The following ZSCAN5A variants were observed in gnomAD, a reference collection of about 807,000 sequenced individuals.
ZSCAN5A encodes zinc finger and SCAN domain containing 5A, also known as zinc finger and SCAN domain-containing protein 5A.
In ZSCAN5A, 12 loss-of-function variants were observed where a neutral mutation model predicts 23.7. That is an observed-to-expected ratio of 0.51 (90% CI 0.32 to 0.82). The LOEUF is 0.82. Among genes scored for constraint, ZSCAN5A ranks in the 40% least tolerant of loss-of-function variants. The pLI is 0.03. For synonymous variants in ZSCAN5A, 257 were observed against 239.9 expected (o/e 1.07, Z -0.66); for missense variants, 597 against 617.9 (o/e 0.97, Z 0.36).
chr19:56,245,880 T>C (rs2035849772), intron 2 of ZSCAN5A, among the ~76,000 whole-genome samples: 1 of 151,700 alleles, frequency 6.6e-6, no homozygotes, highest in African/African-American at 2.4e-5. Context: ...TAGGGGGTGG[T>C]GGGGTGTTGA....
intron 2 of ZSCAN5A, among the ~76,000 whole-genome samples, chr19:56,239,908 A>T (rs2035277858): frequency 6.6e-6 from 1 of 152,140 alleles, no homozygotes; most frequent in Admixed American, 6.5e-5. Context: ...TCACGCCTGT[A>T]ATCTCAGCAC....
chr19:56,328,926 C>T (rs1220381130), intron 2 of ZSCAN5A, among the ~76,000 whole-genome samples: 2 of 147,772 alleles, frequency 1.4e-5, no homozygotes, highest in Admixed American at 1.4e-4. Flanking sequence ...ACCCAGGAGG[C>T]GGAGCTTGCA....
At chr19:56,366,422 C>CAAA (rs34420866) in intron 1 of ZSCAN5A, among the ~76,000 whole-genome samples, 25 of 83,058 alleles carry the variant, frequency 3.0e-4, no homozygotes, top group African/African-American at 4.5e-4. Context: ...GACTCTGTCT[C>CAAA]AAAAAAAAAA....
At chr19:56,238,167 C>A (rs565026520) in intron 2 of ZSCAN5A, among the ~76,000 whole-genome samples, 2 of 151,916 alleles carry the variant, frequency 1.3e-5, no homozygotes, top group African/African-American at 4.8e-5. Flanking sequence ...CACACATACA[C>A]ACACACACGT....
intron 1 of ZSCAN5A, among the ~76,000 whole-genome samples, chr19:56,364,687 T>C (rs2041754216): frequency 1.3e-5 from 2 of 152,236 alleles, no homozygotes; most frequent in Admixed American, 1.3e-4. Flanking sequence ...TGGATGTCCA[T>C]TAATGAGTGA....
At chr19:56,290,712 A>C (rs1355585007) in intron 2 of ZSCAN5A, among the ~76,000 whole-genome samples, 1 of 152,138 alleles carries the variant, frequency 6.6e-6, no homozygotes, top group Non-Finnish European at 1.5e-5. Context: ...ATAAATACAT[A>C]AACAGTTTAA....
At chr19:56,312,144 T>C (rs994429161) in intron 2 of ZSCAN5A, 3 of 152,220 alleles carry the variant, frequency 2.0e-5, no homozygotes, top group Non-Finnish European at 2.9e-5. Flanking sequence ...TTGTATGAAG[T>C]CTTTGAAATC....
intron 2 of ZSCAN5A, among the ~76,000 whole-genome samples, chr19:56,325,908 A>G (rs1301976455): frequency 2.0e-5 from 3 of 151,944 alleles, no homozygotes; most frequent in African/African-American, 4.8e-5. Flanking sequence ...AGAGTGTACA[A>G]TGGGATGTCT....
intron 2 of ZSCAN5A, among the ~76,000 whole-genome samples, chr19:56,344,555 CA>C (rs2041616721): frequency 6.7e-6 from 1 of 149,934 alleles, no homozygotes; most frequent in African/African-American, 2.5e-5. Flanking sequence ...GGCGGATCAC[CA>C]GGTCAGGAGA....
intron 2 of ZSCAN5A, among the ~76,000 whole-genome samples, chr19:56,270,623 G>T (rs1170993961): frequency 1.3e-5 from 2 of 152,064 alleles, no homozygotes; most frequent in African/African-American, 4.8e-5. Context: ...CATTTTAGCT[G>T]CTTGCCTAAC....
chr19:56,359,048 A>T (rs1054733266), intron 2 of ZSCAN5A, among the ~76,000 whole-genome samples: 16 of 152,208 alleles, frequency 1.1e-4, no homozygotes, highest in African/African-American at 3.9e-4. Flanking sequence ...TTTCAGAGTT[A>T]GCAGAAGACA....
chr19:56,327,121 T>C (rs1466048614), intron 2 of ZSCAN5A, among the ~76,000 whole-genome samples: 3 of 152,160 alleles, frequency 2.0e-5, no homozygotes, highest in African/African-American at 7.2e-5. Context: ...TTTACTACAT[T>C]CGTCATGCTA....
intron 2 of ZSCAN5A, among the ~76,000 whole-genome samples, chr19:56,238,264 G>C (rs10423112): frequency 6.6e-4 from 100 of 152,184 alleles, no homozygotes; most frequent in African/African-American, 2.3e-3. Context: ...ATTACTTGAG[G>C]CCAGGAATTA....
intron 2 of ZSCAN5A, among the ~76,000 whole-genome samples, chr19:56,299,380 G>A (rs1034918401): frequency 6.6e-6 from 1 of 151,468 alleles, no homozygotes; most frequent in East Asian, 1.9e-4. Context: ...TGAGCCTCCC[G>A]CCTCAGATTC....
intron 2 of ZSCAN5A, among the ~76,000 whole-genome samples, chr19:56,282,012 T>A (rs1441835839): frequency 6.6e-6 from 1 of 152,180 alleles, no homozygotes; most frequent in African/African-American, 2.4e-5. Flanking sequence ...TTCAGTAGGA[T>A]CAATGACCTA....
intron 2 of ZSCAN5A, among the ~76,000 whole-genome samples, chr19:56,245,725 T>G (rs2035832763): frequency 6.6e-6 from 1 of 152,212 alleles, no homozygotes; most frequent in Admixed American, 6.5e-5. Context: ...TTCAGTTTCC[T>G]CAAAGACATT....
chr19:56,357,638 C>T (rs2041707489), intron 2 of ZSCAN5A, among the ~76,000 whole-genome samples: 1 of 147,542 alleles, frequency 6.8e-6, no homozygotes, highest in Non-Finnish European at 1.5e-5. Flanking sequence ...TTGACAAGTG[C>T]TCTTCAAAAC....
chr19:56,259,222 T>A (rs527722357), intron 2 of ZSCAN5A, among the ~76,000 whole-genome samples: 23 of 152,178 alleles, frequency 1.5e-4, no homozygotes, highest in African/African-American at 2.4e-4. Flanking sequence ...ATTTTTTTTT[T>A]AAAATAGAGA....
In ZSCAN5A at chr19:56,223,624, C is replaced by T. The variant is rs199848942; in HGVS notation, c.588+7G>A. 3.7e-6 allele frequency: 6 copies of T among 1,613,534 alleles called. No individual in the cohort carries two copies. The East Asian group carries it at 1.3e-4, about 36-fold the overall frequency. On this transcript the variant is annotated splice_region_variant and intron_variant, in intron 4 of 5. Coordinates refer to ENST00000683990, the MANE Select transcript of ZSCAN5A (RefSeq NM_001322064.3). ...TCTGCCCAGACACCAAGGCCTCACA[C>T]ACTCACCTGCCTCCTGGACAATGCA...
Sources: gnomAD v4.1 joint callset for allele counts (sites outside exome capture counted in the v4.1 genomes callset) on GRCh38, gnomAD v4.1.1 for gene constraint, MANE v1.5 for transcripts, NCBI Gene and HGNC (gene_info 2026-07-23, HGNC 2026-07-21) for gene names.